Variants in SPOCK3 observed in about 807,000 individuals in gnomAD.
The protein encoded by SPOCK3 is testican-3.
A neutral mutation model predicts 56.6 loss-of-function variants in SPOCK3; 30 were observed. The ratio of observed to expected loss-of-function variants is 0.53; its 90% CI spans 0.40 to 0.72. The LOEUF (loss-of-function observed/expected upper bound fraction) is 0.72. SPOCK3 is among the 30% of genes least tolerant of loss of function. The pLI, the probability that SPOCK3 is intolerant of heterozygous loss-of-function variation, is 0.00. For synonymous variants in SPOCK3, 196 were observed against 183.3 expected (o/e 1.07, Z -0.56); for missense variants, 527 against 530.0 (o/e 0.99, Z 0.06).
At chr4:166,845,073 T>C (rs1409733088) in intron 6 of SPOCK3, among the ~76,000 whole-genome samples, 1 of 152,246 alleles carries the variant, frequency 6.6e-6, no homozygotes, top group Non-Finnish European at 1.5e-5. Flanking sequence ...GAATTTGCTA[T>C]AATCTAAAAT....
intron 7 of SPOCK3, among the ~76,000 whole-genome samples, chr4:166,789,289 C>T (rs372797123): frequency 6.6e-6 from 1 of 151,608 alleles, no homozygotes; most frequent in Admixed American, 6.6e-5. Flanking sequence ...ATAACCCGGG[C>T]GTGGTGATGC....
At chr4:167,015,047 T>C (rs183109790) in intron 3 of SPOCK3, among the ~76,000 whole-genome samples, 275 of 152,018 alleles carry the variant, frequency 1.8e-3, no homozygotes, top group Non-Finnish European at 2.9e-3. Flanking sequence ...AACCATGCAA[T>C]CAGAAATAAA....
At chr4:166,833,326 G>T (rs1746278856) in intron 6 of SPOCK3, among the ~76,000 whole-genome samples, 2 of 152,030 alleles carry the variant, frequency 1.3e-5, no homozygotes, top group Admixed American at 1.3e-4. Context: ...TGCTCTTTGG[G>T]GTGATATGTT....
intron 4 of SPOCK3, among the ~76,000 whole-genome samples, chr4:166,951,459 G>T (rs1227720049): frequency 7.0e-6 from 1 of 142,272 alleles, no homozygotes; most frequent in Admixed American, 6.8e-5. Flanking sequence ...CAACAAAAAA[G>T]AGTCCAGGAT....
In SPOCK3 at chr4:166,776,665, G is replaced by A. The variant is rs1167128985; in HGVS notation, c.709+15505C>T. Reference sequence around the variant, plus strand: ...CAGCTTAACAAAGGGATCTAGGAAGGAAAATACTTAACAACACTCACTCAA... The same window carrying A: ...CAGCTTAACAAAGGGATCTAGGAAGAAAAATACTTAACAACACTCACTCAA... On this transcript the variant is annotated intron_variant, in intron 7 of 10. Coordinates refer to ENST00000357545, the MANE Select transcript of SPOCK3 (RefSeq NM_001040159.2). 2.0e-5 allele frequency among the ~76,000 whole-genome samples: 3 copies of A among 152,028 alleles called. No individual in the cohort carries two copies. The East Asian group carries it at 5.8e-4, about 29-fold the overall frequency.
intron 6 of SPOCK3, among the ~76,000 whole-genome samples, chr4:166,849,873 T>G (rs1748496924): frequency 6.6e-6 from 1 of 152,206 alleles, no homozygotes; most frequent in Admixed American, 6.5e-5. Flanking sequence ...ATTAGCATAA[T>G]GCCCTGAGGT....
At position 167,186,025 on chromosome 4, in the gene SPOCK3, T is replaced by C. The variant is rs572355176; in HGVS notation, c.189+47960A>G. 2.6e-5 allele frequency among the ~76,000 whole-genome samples: 4 copies of C among 152,098 alleles called. No homozygotes were observed. In the East Asian group the frequency reaches 7.8e-4, roughly 29 times the overall value. The stretch of plus-strand genomic sequence containing the variant: ...GCTGAGATTTATTTTACAACAGAGC[T>C]CTAAAGATATAAAAGTAGATGATAT... On this transcript the variant is annotated intron_variant, in intron 2 of 10. Coordinates refer to ENST00000357545, the MANE Select transcript of SPOCK3 (RefSeq NM_001040159.2).
intron 2 of SPOCK3, among the ~76,000 whole-genome samples, chr4:167,176,842 G>A (rs1271740868): frequency 2.6e-5 from 4 of 152,106 alleles, no homozygotes; most frequent in African/African-American, 9.7e-5. Flanking sequence ...CGGGGGCAGA[G>A]AGAGACCTGT....
At chr4:167,213,056 GT>G (rs1386243881) in intron 2 of SPOCK3, among the ~76,000 whole-genome samples, 1 of 152,174 alleles carries the variant, frequency 6.6e-6, no homozygotes, top group Non-Finnish European at 1.5e-5. Flanking sequence ...TTTTCCAGAC[GT>G]TTATTTACAG....
At chr4:167,087,816 T>C (rs971783569) in intron 2 of SPOCK3, among the ~76,000 whole-genome samples, 27 of 152,164 alleles carry the variant, frequency 1.8e-4, no homozygotes, top group Admixed American at 1.3e-4. Flanking sequence ...CTGGTACACA[T>C]TGTTTCAAAA....
At chr4:166,792,753 T>C (rs1465161590) in intron 6 of SPOCK3, among the ~76,000 whole-genome samples, 1 of 152,136 alleles carries the variant, frequency 6.6e-6, no homozygotes, top group East Asian at 1.9e-4. Context: ...CTATTATAAA[T>C]ATATACTGTT....
chr4:167,221,419 T>C (rs1049694572), intron 2 of SPOCK3, among the ~76,000 whole-genome samples: 1 of 152,004 alleles, frequency 6.6e-6, no homozygotes, highest in Non-Finnish European at 1.5e-5. Flanking sequence ...ATTTGAGCTG[T>C]CTGTAGTAAC....
chr4:166,826,448 A>T (rs952310158), intron 6 of SPOCK3, among the ~76,000 whole-genome samples: 1 of 152,126 alleles, frequency 6.6e-6, no homozygotes, highest in Admixed American at 6.6e-5. Flanking sequence ...AAATTTATTT[A>T]TTCATTCACT....
chr4:166,785,047 A>T (rs1467567097), intron 7 of SPOCK3, among the ~76,000 whole-genome samples: 3 of 152,140 alleles, frequency 2.0e-5, no homozygotes, highest in African/African-American at 7.2e-5. Context: ...AAATCAAGGT[A>T]TCTTGATAAT....
At chr4:167,162,247 A>G (rs1357584760) in intron 2 of SPOCK3, among the ~76,000 whole-genome samples, 27 of 152,052 alleles carry the variant, frequency 1.8e-4, no homozygotes, top group Non-Finnish European at 2.4e-4. Context: ...TTTGTGTTAC[A>G]CTAAACTTAA....
intron 2 of SPOCK3, among the ~76,000 whole-genome samples, chr4:167,084,937 A>G (rs1220945667): frequency 1.3e-5 from 2 of 152,114 alleles, no homozygotes; most frequent in Admixed American, 6.6e-5. Context: ...TCAGTTTGAC[A>G]GTGGGAGGCT....
chr4:167,077,333 T>A (rs1757288891), intron 2 of SPOCK3, among the ~76,000 whole-genome samples: 1 of 151,660 alleles, frequency 6.6e-6, no homozygotes, highest in South Asian at 2.1e-4. Context: ...CCTACTATTT[T>A]GCACTAATGT....
chr4:167,169,517 T>A lies in SPOCK3; in HGVS notation c.189+64468A>T, dbSNP rs72621917. ...ATTCTTCCATTTGGAGTTGGTGTAT[T>A]TATCCAATGCCTATACCTCCATTGT... On this transcript the variant is annotated intron_variant, in intron 2 of 10. Coordinates refer to ENST00000357545, the MANE Select transcript of SPOCK3 (RefSeq NM_001040159.2). 9.8e-4 allele frequency among the ~76,000 whole-genome samples: 150 copies of A among 152,308 alleles called. No individual in the cohort carries two copies. In the East Asian group the frequency reaches 0.022, roughly 22 times the overall value.
In SPOCK3 at chr4:166,899,288, ATCTAT is replaced by A. The variant is rs1560987105; in HGVS notation, c.475-10049_475-10045del. On this transcript the variant is annotated intron_variant, in intron 5 of 10. Coordinates refer to ENST00000357545, the MANE Select transcript of SPOCK3 (RefSeq NM_001040159.2). The stretch of plus-strand genomic sequence containing the variant: ...TATCTATCTATCTATCTATCTATCT[ATCTAT>A]CTATCTATGTACCCTATGGGTTGTA... Among the ~76,000 whole-genome samples, 362 of 145,086 alleles carry A rather than the reference ATCTAT, an allele frequency of 2.5e-3. 2 individuals are homozygous for A. Among genetic ancestry groups the A allele is most frequent in the East Asian group, 0.023 (111 of 4,736 alleles).
Sources: allele counts gnomAD v4.1 joint callset (sites outside exome capture counted in the v4.1 genomes callset), GRCh38; gene constraint gnomAD v4.1.1; transcripts MANE v1.5; gene names NCBI Gene and HGNC (gene_info 2026-07-23, HGNC 2026-07-21).